The following CPA6 variants were observed in gnomAD, a reference collection of about 807,000 sequenced individuals.
CPA6 encodes the protein carboxypeptidase B.
Under a neutral mutation model 63.3 loss-of-function variants are expected in CPA6, and 58 were observed. The observed-to-expected ratio is 0.92, with a 90% CI of 0.74 to 1.14. The LOEUF (loss-of-function observed/expected upper bound fraction) is 1.14. CPA6 is among the 50% of genes most tolerant of loss of function. The pLI is 0.00. For missense variants in CPA6, 565 were observed against 526.6 expected (o/e 1.07, Z -0.71); for synonymous variants, 185 against 179.0 (o/e 1.03, Z -0.27).
chr8:67,679,929 T>C (rs1005421779), intron 1 of CPA6, among the ~76,000 whole-genome samples: 5 of 152,172 alleles, frequency 3.3e-5, no homozygotes, highest in Admixed American at 2.6e-4. Flanking sequence ...CTTGGAGATA[T>C]GGTGTATTAG....
At chr8:67,609,860 A>G (rs1449952106) in intron 2 of CPA6, among the ~76,000 whole-genome samples, 1 of 152,124 alleles carries the variant, frequency 6.6e-6, no homozygotes, top group Non-Finnish European at 1.5e-5. Flanking sequence ...CTTCTTTACT[A>G]AAAATACAAA....
At chr8:67,737,774 A>G (rs140606400) in intron 1 of CPA6, among the ~76,000 whole-genome samples, 2 of 152,314 alleles carry the variant, frequency 1.3e-5, no homozygotes, top group Non-Finnish European at 2.9e-5. Flanking sequence ...TTCATCCCCA[A>G]TGACTCTAGA....
chr8:67,446,215 G>A (rs969124270), intron 8 of CPA6, among the ~76,000 whole-genome samples: 3 of 144,622 alleles, frequency 2.1e-5, no homozygotes, highest in African/African-American at 8.0e-5. Context: ...GCAGTGAGTG[G>A]AGATGCGCCA....
chr8:67,661,592 G>T (rs1029355354), intron 1 of CPA6, among the ~76,000 whole-genome samples: 1 of 152,114 alleles, frequency 6.6e-6, no homozygotes, highest in Non-Finnish European at 1.5e-5. Flanking sequence ...GCAAACTGTG[G>T]GTCACTGTAA....
At chr8:67,692,942 C>G (rs765637186) in intron 1 of CPA6, among the ~76,000 whole-genome samples, 1 of 152,078 alleles carries the variant, frequency 6.6e-6, no homozygotes, top group Non-Finnish European at 1.5e-5. Context: ...GACCCATAGA[C>G]CTAAGGCACA....
intron 1 of CPA6, among the ~76,000 whole-genome samples, chr8:67,724,997 A>G (rs1463462294): frequency 6.6e-6 from 1 of 152,228 alleles, no homozygotes; most frequent in Admixed American, 6.5e-5. Context: ...AACTTTAACC[A>G]CAGTTGTAAT....
chr8:67,720,042 G>A (rs1356506080), intron 1 of CPA6, among the ~76,000 whole-genome samples: 1 of 152,128 alleles, frequency 6.6e-6, no homozygotes, highest in East Asian at 1.9e-4. Flanking sequence ...CTGGGGGCAG[G>A]TGGGCTGAGT....
chr8:67,535,823 G>C (rs1343111353), intron 2 of CPA6, among the ~76,000 whole-genome samples: 1 of 152,152 alleles, frequency 6.6e-6, no homozygotes, highest in African/African-American at 2.4e-5. Context: ...TTCTTCTAGG[G>C]TTTTTATGGT....
intron 1 of CPA6, among the ~76,000 whole-genome samples, chr8:67,675,669 G>T (rs922355580): frequency 1.4e-4 from 21 of 152,160 alleles, no homozygotes; most frequent in Non-Finnish European, 2.1e-4. Flanking sequence ...ACAACGAAAG[G>T]CCAGTCTGAT....
At chr8:67,525,972 G>A (rs1369469383) in intron 2 of CPA6, among the ~76,000 whole-genome samples, 2 of 152,106 alleles carry the variant, frequency 1.3e-5, no homozygotes, top group Non-Finnish European at 2.9e-5. Context: ...TCACCACAAT[G>A]CAATATATCC....
chr8:67,624,142 C>G, intron 2 of CPA6, 34 bp downstream of exon 2: 1 of 1,290,536 alleles, frequency 7.7e-7, no homozygotes, highest in Non-Finnish European at 1.1e-6. Context: ...TCCACAAGCA[C>G]AATTCTACCA....
chr8:67,569,677 C>A, intron 2 of CPA6: 1 of 303,132 alleles, frequency 3.3e-6, no homozygotes. Context: ...GTGTTTTAAG[C>A]AGGTTACAGG....
At chr8:67,632,041 A>G (rs1221286869) in intron 1 of CPA6, among the ~76,000 whole-genome samples, 1 of 152,238 alleles carries the variant, frequency 6.6e-6, no homozygotes, top group Admixed American at 6.5e-5. Context: ...AGTGAGACCA[A>G]GAACCCACCA....
intron 8 of CPA6, among the ~76,000 whole-genome samples, chr8:67,465,577 C>G (rs904321199): frequency 1.3e-5 from 2 of 152,110 alleles, no homozygotes; most frequent in African/African-American, 4.8e-5. Context: ...TGTTCCAGTT[C>G]ACAAGGGGAA....
At chr8:67,646,335 G>C (rs1338894356) in intron 1 of CPA6, among the ~76,000 whole-genome samples, 1 of 152,204 alleles carries the variant, frequency 6.6e-6, no homozygotes. Flanking sequence ...CTGAGAATTT[G>C]ATTTTTGAAC....
intron 2 of CPA6, among the ~76,000 whole-genome samples, chr8:67,576,473 G>A (rs929368830): frequency 7.2e-5 from 11 of 152,266 alleles, no homozygotes; most frequent in African/African-American, 2.6e-4. Flanking sequence ...TTGTAGAAGT[G>A]CTATAGGTGT....
chr8:67,705,627 A>C (rs1817118023), intron 1 of CPA6, among the ~76,000 whole-genome samples: 1 of 152,170 alleles, frequency 6.6e-6, no homozygotes, highest in African/African-American at 2.4e-5. Flanking sequence ...CTTAATATTC[A>C]CATGATCTCT....
At chr8:67,484,908 C>T (rs1410894898) in intron 6 of CPA6, 119 bp from the exon 7 acceptor site, 4 of 537,708 alleles carry the variant, frequency 7.4e-6, no homozygotes, top group Non-Finnish European at 3.3e-6. Flanking sequence ...AAGTCATAAA[C>T]TAACATGAAG....
At chr8:67,594,272 T>G (rs1814226832) in intron 2 of CPA6, among the ~76,000 whole-genome samples, 1 of 152,198 alleles carries the variant, frequency 6.6e-6, no homozygotes, top group Non-Finnish European at 1.5e-5. Context: ...CTGATGGGCT[T>G]CCCTTTGTGG....
Sources: allele counts gnomAD v4.1 joint callset (sites outside exome capture counted in the v4.1 genomes callset), GRCh38; gene constraint gnomAD v4.1.1; transcripts MANE v1.5; gene names NCBI Gene and HGNC (gene_info 2026-07-23, HGNC 2026-07-21).